ADGRL3: variants seen among roughly 807,000 people sequenced by gnomAD.
ADGRL3 encodes calcium-independent alpha-latrotoxin receptor 3.
Under a neutral mutation model 153.5 loss-of-function variants are expected in ADGRL3, and 62 were observed. The observed-to-expected ratio is 0.40, with a 90% CI of 0.33 to 0.50. The LOEUF is 0.50. Among genes scored for constraint, ADGRL3 ranks in the 20% least tolerant of loss-of-function variants. The pLI is 0.47. For synonymous variants in ADGRL3, 710 were observed against 672.5 expected (o/e 1.06, Z -0.86); for missense variants, 1,641 against 1,859.4 (o/e 0.88, Z 2.16).
chr4:61,409,361 T>TTA (rs201028487), intron 2 of ADGRL3, among the ~76,000 whole-genome samples: 1 of 21,736 alleles, frequency 4.6e-5, no homozygotes, highest in Non-Finnish European at 4.3e-4. Flanking sequence ...ATATAATATA[T>TTA]TATATATATA....
intron 1 of ADGRL3, among the ~76,000 whole-genome samples, chr4:61,252,015 C>T (rs1263635230): frequency 1.3e-5 from 2 of 151,982 alleles, no homozygotes; most frequent in East Asian, 1.9e-4. Flanking sequence ...TCCCGAGTGG[C>T]TGGGATTACA....
At chr4:61,266,861 G>A (rs996601287) in intron 1 of ADGRL3, among the ~76,000 whole-genome samples, 6 of 151,586 alleles carry the variant, frequency 4.0e-5, no homozygotes, top group African/African-American at 1.2e-4. Flanking sequence ...TCATAGGAAC[G>A]TTGCTGCAAT....
At chr4:61,629,504 G>A (rs1449692766) in intron 5 of ADGRL3, among the ~76,000 whole-genome samples, 1 of 151,508 alleles carries the variant, frequency 6.6e-6, no homozygotes, top group African/African-American at 2.4e-5. Flanking sequence ...GGGTCACGAG[G>A]TCAGGAGTTT....
chr4:61,574,681 A>G lies in ADGRL3; in HGVS notation c.260-12546A>G, dbSNP rs2098858644. 2.0e-5 allele frequency among the ~76,000 whole-genome samples: 3 copies of G among 152,014 alleles called. No individual in the cohort carries two copies. The East Asian group carries it at 5.8e-4, about 29-fold the overall frequency. The stretch of plus-strand genomic sequence containing the variant: ...GTTTGACAGGAAGATGGGTTGACAT[A>G]CAAAACAATTTTGAATTAATATATT... On this transcript the variant is annotated intron_variant, in intron 4 of 26. Transcript: ENST00000683033.
chr4:61,837,908 G>A (rs866460499), intron 9 of ADGRL3, among the ~76,000 whole-genome samples: 4 of 152,062 alleles, frequency 2.6e-5, no homozygotes. Flanking sequence ...TCATTTTAAA[G>A]TTAAATGAAG....
At chr4:61,467,416 A>G (rs1184869352) in intron 2 of ADGRL3, among the ~76,000 whole-genome samples, 1 of 151,792 alleles carries the variant, frequency 6.6e-6, no homozygotes, top group Non-Finnish European at 1.5e-5. Flanking sequence ...CTAGAAATAT[A>G]TGTTGAATGT....
At chr4:61,546,209 T>C (rs2098713326) in intron 4 of ADGRL3, among the ~76,000 whole-genome samples, 1 of 152,222 alleles carries the variant, frequency 6.6e-6, no homozygotes, top group South Asian at 2.1e-4. Context: ...GGCTTAACTT[T>C]ACTCTTCGGA....
chr4:61,534,077 T>A (rs1200296130), intron 4 of ADGRL3, among the ~76,000 whole-genome samples: 2 of 152,158 alleles, frequency 1.3e-5, no homozygotes, highest in East Asian at 3.8e-4. Flanking sequence ...TTTTGTTGTT[T>A]CAGGTTTTGC....
At chr4:61,448,945 A>G (rs1578919143) in intron 2 of ADGRL3, among the ~76,000 whole-genome samples, 1 of 149,300 alleles carries the variant, frequency 6.7e-6, no homozygotes, top group East Asian at 2.0e-4. Context: ...ATTAATTAGG[A>G]GATTTTTTTG....
rs151316107 is a variant in ADGRL3 at position 61,410,910 on chromosome 4, T to C, written c.-174+27721T>C. Reference sequence around the variant, plus strand: ...TTCCAAAAGGTCTGAATCAAGTAACTGAGAACCCATCCTATGGAGGTTGCA... The same window carrying C: ...TTCCAAAAGGTCTGAATCAAGTAACCGAGAACCCATCCTATGGAGGTTGCA... On this transcript the variant is annotated intron_variant, in intron 2 of 26. Coordinates refer to ENST00000683033, the MANE Select transcript of ADGRL3 (RefSeq NM_001387552.1). Among the ~76,000 whole-genome samples the C allele has an allele frequency of 4.6e-3, 700 of 152,316 alleles. 6 individuals are homozygous for C. The highest frequency in any genetic ancestry group is 0.016 in the African/African-American group (667 of 41,558).
At chr4:61,893,079 T>TC (rs1230805124) in intron 10 of ADGRL3, 121 bp downstream of exon 10, 2 of 397,304 alleles carry the variant, frequency 5.0e-6, no homozygotes, top group East Asian at 4.0e-5. Flanking sequence ...CCCTCCCTCC[T>TC]TGTCTCTTTC....
intron 2 of ADGRL3, among the ~76,000 whole-genome samples, chr4:61,386,472 T>G (rs1334019599): frequency 6.6e-6 from 1 of 152,134 alleles, no homozygotes; most frequent in Non-Finnish European, 1.5e-5. Flanking sequence ...TGTAATAAAT[T>G]AACATCTAGA....
chr4:61,560,940 G>A (rs899350916), intron 4 of ADGRL3, among the ~76,000 whole-genome samples: 4 of 152,136 alleles, frequency 2.6e-5, no homozygotes, highest in South Asian at 2.1e-4. Context: ...GTAACGGGTC[G>A]CTAATAACTT....
At chr4:61,836,747 T>C (rs2097941856) in intron 9 of ADGRL3, among the ~76,000 whole-genome samples, 1 of 152,142 alleles carries the variant, frequency 6.6e-6, no homozygotes, top group Admixed American at 6.5e-5. Context: ...ACGTTTTATA[T>C]GTTCTTGATT....
intron 11 of ADGRL3, among the ~76,000 whole-genome samples, chr4:61,901,380 G>A (rs967213733): frequency 2.6e-5 from 4 of 152,122 alleles, no homozygotes; most frequent in African/African-American, 9.7e-5. Flanking sequence ...GTTTGACAAC[G>A]AGTCAGTTAT....
intron 17 of ADGRL3, among the ~76,000 whole-genome samples, chr4:61,952,408 G>A (rs2150362241): frequency 6.6e-6 from 1 of 151,936 alleles, no homozygotes; most frequent in Non-Finnish European, 1.5e-5. Context: ...GAGCCTGGGA[G>A]GTTGAGGCTG....
Position 62,071,676 on chromosome 4 carries a change from T to C in ADGRL3, c.*768T>C. ...AAATTTTCTTTTTCTTTTGTGCTGGTCTTGCAAGTTTGTCTACCAGTAAGA... is the reference window on the plus strand; with the variant it reads ...AAATTTTCTTTTTCTTTTGTGCTGGCCTTGCAAGTTTGTCTACCAGTAAGA... On this transcript the variant is annotated 3_prime_UTR_variant, in exon 27 of 27. Transcript: ENST00000683033. The C allele has an allele frequency of 2.5e-6, 1 of 406,162 alleles. No homozygotes were observed. The highest frequency in any genetic ancestry group is 4.7e-6 in the Non-Finnish European group (1 of 212,050). 25.2% of individuals were successfully genotyped at this position (406,162 alleles called of 1,614,324 possible).
chr4:61,971,939 G>C (rs1560449644), intron 17 of ADGRL3, among the ~76,000 whole-genome samples: 1 of 152,116 alleles, frequency 6.6e-6, no homozygotes, highest in Non-Finnish European at 1.5e-5. Context: ...GTGTCTTTTG[G>C]CTGCACAAAT....
chr4:61,362,892 T>C (rs1209651076), intron 1 of ADGRL3, among the ~76,000 whole-genome samples: 1 of 152,190 alleles, frequency 6.6e-6, no homozygotes, highest in Non-Finnish European at 1.5e-5. Flanking sequence ...ACTTCTGCTG[T>C]AATGTATCTC....
Sources: allele counts gnomAD v4.1 joint callset (sites outside exome capture counted in the v4.1 genomes callset), GRCh38; gene constraint gnomAD v4.1.1; transcripts MANE v1.5; gene names NCBI Gene and HGNC (gene_info 2026-07-23, HGNC 2026-07-21).